The following DTNA variants were observed in gnomAD, a reference collection of about 807,000 sequenced individuals.
The protein encoded by DTNA is dystrobrevin alpha, also known as dystrophin-related protein 3.
Under a neutral mutation model 100.7 loss-of-function variants are expected in DTNA, and 43 were observed. The observed-to-expected ratio is 0.43, with a 90% CI of 0.33 to 0.55. DTNA has a LOEUF of 0.55. Among genes scored for constraint, DTNA ranks in the 20% least tolerant of loss-of-function variants. The pLI is 0.04. For synonymous variants in DTNA, 349 were observed against 347.9 expected (o/e 1.00, Z -0.04); for missense variants, 798 against 953.9 (o/e 0.84, Z 2.15).
chr18:34,744,045 G>C (rs530950382), intron 1 of DTNA, among the ~76,000 whole-genome samples: 1 of 152,172 alleles, frequency 6.6e-6, no homozygotes, highest in South Asian at 2.1e-4. Flanking sequence ...AATCAAAATT[G>C]CCACCTCTTC....
intron 1 of DTNA, among the ~76,000 whole-genome samples, chr18:34,605,129 AT>A (rs1358596045): frequency 1.3e-5 from 2 of 151,774 alleles, no homozygotes; most frequent in Non-Finnish European, 2.9e-5. Flanking sequence ...AAAAAAAAAA[AT>A]CTGGGTAAGA....
intron 1 of DTNA, among the ~76,000 whole-genome samples, chr18:34,723,006 G>C (rs1159003167): frequency 6.6e-6 from 1 of 152,062 alleles, no homozygotes; most frequent in Non-Finnish European, 1.5e-5. Context: ...ATGTGAAAAT[G>C]TTTCAACAGA....
intron 1 of DTNA, among the ~76,000 whole-genome samples, chr18:34,632,830 G>A (rs554558909): frequency 6.6e-6 from 1 of 151,780 alleles, no homozygotes. Context: ...TTCTTTTTCT[G>A]TTAAGCTAGT....
chr18:34,880,710 T>G (rs2096863748), intron 20 of DTNA, among the ~76,000 whole-genome samples: 1 of 152,156 alleles, frequency 6.6e-6, no homozygotes. Context: ...TCATGGAGAA[T>G]TATCAAGAGG....
intron 1 of DTNA, among the ~76,000 whole-genome samples, chr18:34,696,904 C>T (rs996032973): frequency 1.3e-5 from 2 of 152,206 alleles, no homozygotes; most frequent in African/African-American, 4.8e-5. Flanking sequence ...AGCAGTGGTT[C>T]TCAACCAGGA....
At chr18:34,739,121 G>A (rs558908183) in intron 1 of DTNA, among the ~76,000 whole-genome samples, 1 of 152,160 alleles carries the variant, frequency 6.6e-6, no homozygotes, top group South Asian at 2.1e-4. Context: ...GGAATACTAC[G>A]CTTGAGCTTT....
intron 1 of DTNA, among the ~76,000 whole-genome samples, chr18:34,750,922 A>G (rs1186805850): frequency 6.6e-6 from 1 of 152,212 alleles, no homozygotes; most frequent in African/African-American, 2.4e-5. Flanking sequence ...TATAGTTCAC[A>G]TTTCTTCTAA....
chr18:34,786,043 C>G (rs1157450863), intron 3 of DTNA, among the ~76,000 whole-genome samples: 2 of 152,212 alleles, frequency 1.3e-5, no homozygotes, highest in African/African-American at 4.8e-5. Flanking sequence ...CCTCACACCC[C>G]AGTTCTGTGA....
chr18:34,746,485 T>A (rs1037575867), intron 1 of DTNA, among the ~76,000 whole-genome samples: 3 of 152,098 alleles, frequency 2.0e-5, no homozygotes, highest in African/African-American at 7.2e-5. Flanking sequence ...ATAATATTAT[T>A]GCTAGTGAGA....
chr18:34,581,855 C>T (rs2048682409), intron 1 of DTNA, among the ~76,000 whole-genome samples: 1 of 151,944 alleles, frequency 6.6e-6, no homozygotes, highest in African/African-American at 2.4e-5. Flanking sequence ...ATTTCTTGAC[C>T]TCGTGATCCG....
chr18:34,830,356 A>G (rs1447053751), intron 11 of DTNA, among the ~76,000 whole-genome samples: 1 of 152,078 alleles, frequency 6.6e-6, no homozygotes, highest in Admixed American at 6.6e-5. Flanking sequence ...GATAAAGCTG[A>G]ATGAGGCTGA....
Position 34,812,017 on chromosome 18 carries a change from A to C in DTNA, c.507A>C (p.Gln169His), listed in dbSNP as rs367763240. 1 of 1,614,116 alleles carries C rather than the reference A, an allele frequency of 6.2e-7. No homozygotes were observed. Among genetic ancestry groups the C allele is most frequent in the Admixed American group, 1.7e-5 (1 of 60,016 alleles). ...TGATGGTTTATGGACGATATGACCAATTCCTTCGGGAAGTTCTCAAACTAC... is the reference window on the plus strand; with the variant it reads ...TGATGGTTTATGGACGATATGACCACTTCCTTCGGGAAGTTCTCAAACTAC... ...SGVMVYGRYD[Q>H]FLREVLKLPT... Residue 169 changes from glutamine to histidine, a missense_variant, in exon 6 of 23, where the codon CAA becomes CAC. Physicochemically the swap from Gln to His is conservative, Grantham distance 24. Transcript: ENST00000444659.
chr18:34,514,776 G>A (rs931056039), intron 1 of DTNA, among the ~76,000 whole-genome samples: 1 of 151,970 alleles, frequency 6.6e-6, no homozygotes, highest in Non-Finnish European at 1.5e-5. Flanking sequence ...TCTCTCTTGG[G>A]ACTTTTTTCA....
At chr18:34,805,398 C>T (rs528467936) in intron 4 of DTNA, among the ~76,000 whole-genome samples, 11 of 152,202 alleles carry the variant, frequency 7.2e-5, no homozygotes, top group African/African-American at 2.6e-4. Flanking sequence ...AATGTTGGCT[C>T]ACTGCAACCT....
rs975234100 is a variant in DTNA at position 34,888,118 on chromosome 18, A to G, written c.*384A>G. ...GAAAACCCATGCTGCTGTTATACAC[A>G]ATGGCAGTATTAACAAGCATTTTAA... On this transcript the variant is annotated 3_prime_UTR_variant, in exon 23 of 23. Transcript: ENST00000444659. The G allele has an allele frequency of 1.0e-6, 1 of 985,792 alleles. No homozygotes were observed. The highest frequency in any genetic ancestry group is 1.2e-6 in the Non-Finnish European group (1 of 829,952). 61.1% of individuals were successfully genotyped at this position (985,792 alleles called of 1,614,324 possible).
At chr18:34,765,149 T>G (rs1170867536) in intron 2 of DTNA, among the ~76,000 whole-genome samples, 1 of 152,098 alleles carries the variant, frequency 6.6e-6, no homozygotes, top group Non-Finnish European at 1.5e-5. Context: ...GAGCAGAGCT[T>G]TTAGACCTGA....
intron 1 of DTNA, among the ~76,000 whole-genome samples, chr18:34,545,300 T>C (rs2044659936): frequency 6.6e-6 from 1 of 152,006 alleles, no homozygotes; most frequent in Non-Finnish European, 1.5e-5. Flanking sequence ...CCCTTTGCAG[T>C]AAAAGGGAGG....
At chr18:34,551,491 T>G (rs2045411322) in intron 1 of DTNA, among the ~76,000 whole-genome samples, 1 of 152,168 alleles carries the variant, frequency 6.6e-6, no homozygotes, top group Non-Finnish European at 1.5e-5. Context: ...TATTTTTTTT[T>G]GTCAATGCTT....
At chr18:34,829,958 C>T (rs1045758253) in intron 11 of DTNA, among the ~76,000 whole-genome samples, 11 of 152,092 alleles carry the variant, frequency 7.2e-5, no homozygotes, top group Non-Finnish European at 1.6e-4. Flanking sequence ...GTCCATTTTC[C>T]CCCCAGGGAG....
Sources: allele counts gnomAD v4.1 joint callset (sites outside exome capture counted in the v4.1 genomes callset), GRCh38; gene constraint gnomAD v4.1.1; transcripts MANE v1.5; gene names NCBI Gene and HGNC (gene_info 2026-07-23, HGNC 2026-07-21).